The following HMCN1 variants were observed in gnomAD, a reference collection of about 807,000 sequenced individuals.
HMCN1 encodes the protein hemicentin-1.
Under a neutral mutation model 625.9 loss-of-function variants are expected in HMCN1, and 321 were observed. The ratio of observed to expected loss-of-function variants is 0.51; its 90% CI spans 0.47 to 0.56. HMCN1 has a LOEUF of 0.56. HMCN1 is among the 20% of genes least tolerant of loss of function. The pLI is 0.00. For synonymous variants in HMCN1, 2,425 were observed against 2,417.6 expected (o/e 1.00, Z -0.09); for missense variants, 6,588 against 6,887.3 (o/e 0.96, Z 1.54).
intron 94 of HMCN1, 117 bp from the exon 95 acceptor site, chr1:186,151,489 A>G (rs1243728844): frequency 1.6e-6 from 2 of 1,288,316 alleles, no homozygotes; most frequent in African/African-American, 3.0e-5. Flanking sequence ...AGGTACTGGT[A>G]TTTGTTTCTG....
intron 6 of HMCN1, among the ~76,000 whole-genome samples, chr1:185,914,524 T>C (rs539669677): frequency 6.6e-6 from 1 of 152,182 alleles, no homozygotes; most frequent in East Asian, 1.9e-4. Flanking sequence ...ATCTTTCTAG[T>C]TATCTTCTAT....
At chr1:185,972,329 C>T (rs1650890590) in intron 15 of HMCN1, among the ~76,000 whole-genome samples, 1 of 152,158 alleles carries the variant, frequency 6.6e-6, no homozygotes, top group African/African-American at 2.4e-5. Flanking sequence ...CTTTTAGCTT[C>T]TGGAATTTCC....
intron 9 of HMCN1, among the ~76,000 whole-genome samples, chr1:185,927,154 A>G (rs915149253): frequency 3.3e-5 from 5 of 152,166 alleles, no homozygotes; most frequent in African/African-American, 4.8e-5. Context: ...ATTTCCATCA[A>G]TCTGTTTTTG....
At chr1:185,841,465 C>T (rs544870647) in intron 1 of HMCN1, among the ~76,000 whole-genome samples, 30 of 152,108 alleles carry the variant, frequency 2.0e-4, no homozygotes, top group Non-Finnish European at 4.0e-4. Context: ...TGATCTTTAG[C>T]GTGGTCTTTA....
At chr1:185,993,852 A>C (rs1326763693) in intron 23 of HMCN1, among the ~76,000 whole-genome samples, 3 of 152,116 alleles carry the variant, frequency 2.0e-5, no homozygotes, top group Non-Finnish European at 4.4e-5. Flanking sequence ...TTTAGATGAA[A>C]GATATTCAAA....
At chr1:186,135,947 A>G (rs1333912713) in intron 86 of HMCN1, among the ~76,000 whole-genome samples, 2 of 152,188 alleles carry the variant, frequency 1.3e-5, no homozygotes, top group African/African-American at 4.8e-5. Flanking sequence ...CTCAGCATCC[A>G]CCACAATGCC....
chr1:185,841,465 C>G (rs544870647), intron 1 of HMCN1, among the ~76,000 whole-genome samples: 1 of 152,108 alleles, frequency 6.6e-6, no homozygotes, highest in African/African-American at 2.4e-5. Flanking sequence ...TGATCTTTAG[C>G]GTGGTCTTTA....
intron 11 of HMCN1, among the ~76,000 whole-genome samples, chr1:185,939,980 A>C (rs530952879): frequency 1.3e-5 from 2 of 152,298 alleles, no homozygotes; most frequent in South Asian, 2.1e-4. Flanking sequence ...AAATATTAAA[A>C]AGTTGAGCTC....
At chr1:185,885,059 C>T (rs1571500072) in intron 4 of HMCN1, among the ~76,000 whole-genome samples, 1 of 150,814 alleles carries the variant, frequency 6.6e-6, no homozygotes, top group African/African-American at 2.4e-5. Flanking sequence ...TTTATAATGC[C>T]ATCCTTGGAC....
chr1:185,943,507 G>A (rs1371889000), intron 11 of HMCN1, among the ~76,000 whole-genome samples: 1 of 152,196 alleles, frequency 6.6e-6, no homozygotes, highest in Non-Finnish European at 1.5e-5. Flanking sequence ...GGAAAAAATA[G>A]TTTTTTCCTT....
At chr1:186,020,548 G>T (rs1654656677) in intron 35 of HMCN1, among the ~76,000 whole-genome samples, 1 of 151,970 alleles carries the variant, frequency 6.6e-6, no homozygotes, top group Non-Finnish European at 1.5e-5. Context: ...TTATTTACCT[G>T]GGAGACAGAT....
At chr1:185,841,689 A>G (rs114842902) in intron 1 of HMCN1, among the ~76,000 whole-genome samples, 2,605 of 152,296 alleles carry the variant, frequency 0.017, 75 homozygotes, top group African/African-American at 0.055. Flanking sequence ...TCATAGTATC[A>G]TATGGTAGAT....
At chr1:185,923,143 T>C (rs573027681) in intron 7 of HMCN1, among the ~76,000 whole-genome samples, 1 of 152,288 alleles carries the variant, frequency 6.6e-6, no homozygotes. Flanking sequence ...CATATAACAA[T>C]TTTCACGATT....
chr1:185,794,603 T>G (rs1448831028), intron 1 of HMCN1, among the ~76,000 whole-genome samples: 2 of 87,620 alleles, frequency 2.3e-5, no homozygotes, highest in African/African-American at 4.1e-5. Context: ...CTTTACACAT[T>G]TTTTTTTTTT....
At chr1:186,024,123 T>G (rs1654900171) in intron 36 of HMCN1, among the ~76,000 whole-genome samples, 1 of 152,234 alleles carries the variant, frequency 6.6e-6, no homozygotes, top group Non-Finnish European at 1.5e-5. Context: ...AACTTAGGGA[T>G]GTCTACATAC....
chr1:185,807,369 A>G (rs1659234450), intron 1 of HMCN1, among the ~76,000 whole-genome samples: 1 of 152,196 alleles, frequency 6.6e-6, no homozygotes, highest in African/African-American at 2.4e-5. Flanking sequence ...AGTTCAATAG[A>G]TAGGCTTCTC....
At chr1:186,189,484 G>C (rs1021833515) in intron 106 of HMCN1, 28 bp from the exon 107 acceptor site, 13 of 1,611,106 alleles carry the variant, frequency 8.1e-6, no homozygotes, top group Non-Finnish European at 1.0e-5. Context: ...AGATAACTAT[G>C]TGTATTTGAT....
chr1:186,061,739 G>T, intron 46 of HMCN1, 112 bp from the exon 47 acceptor site: 1 of 545,066 alleles, frequency 1.8e-6, no homozygotes, highest in Non-Finnish European at 3.3e-6. Flanking sequence ...CATTTTAAGG[G>T]CCTCTAAAGC....
intron 16 of HMCN1, among the ~76,000 whole-genome samples, chr1:185,979,497 C>T (rs74134246): frequency 0.031 from 4,681 of 152,088 alleles, 254 homozygotes; most frequent in African/African-American, 0.11. Context: ...GCCTAATTGT[C>T]GAAATTAAAT....
Sources: gnomAD v4.1 joint callset for allele counts (sites outside exome capture counted in the v4.1 genomes callset) on GRCh38, gnomAD v4.1.1 for gene constraint, MANE v1.5 for transcripts, NCBI Gene and HGNC (gene_info 2026-07-23, HGNC 2026-07-21) for gene names.